Variants in CCDC7 observed in about 807,000 individuals in gnomAD.
CCDC7 encodes coiled-coil domain-containing protein 7.
CCDC7 carries 183 observed loss-of-function variants against 196.9 expected under a neutral mutation model. The observed-to-expected ratio is 0.93, with a 90% CI of 0.82 to 1.05. The LOEUF is 1.05. Among genes scored for constraint, CCDC7 ranks in the 50% least tolerant of loss-of-function variants. CCDC7 has a pLI of 0.00. For missense variants in CCDC7, 1,540 were observed against 1,482.2 expected, an observed-to-expected ratio of 1.04 and a Z score of -0.64; for synonymous variants, 525 against 484.6, an observed-to-expected ratio of 1.08 and a Z score of -1.10.
At chr10:32,702,277 A>G (rs992959138) in intron 24 of CCDC7, among the ~76,000 whole-genome samples, 2 of 151,890 alleles carry the variant, frequency 1.3e-5, no homozygotes, top group African/African-American at 4.8e-5. Flanking sequence ...TTCGTTGTGT[A>G]CCTAGTAGTC....
chr10:32,729,280 A>T (rs1010668412), intron 27 of CCDC7, 52 bp from the exon 29 acceptor site: 7 of 1,471,002 alleles, frequency 4.8e-6, no homozygotes, highest in Non-Finnish European at 5.5e-6. Context: ...AATTCTGATG[A>T]TTACTTGGCA....
chr10:32,709,711 G>T (rs540716578), intron 24 of CCDC7, among the ~76,000 whole-genome samples: 1 of 152,292 alleles, frequency 6.6e-6, no homozygotes, highest in African/African-American at 2.4e-5. Flanking sequence ...CCAGAGACCA[G>T]TACTGGTCAT....
chr10:32,568,557 C>T (rs2057176916), intron 15 of CCDC7, among the ~76,000 whole-genome samples: 1 of 152,022 alleles, frequency 6.6e-6, no homozygotes, highest in African/African-American at 2.4e-5. Context: ...GTTGTTAGAT[C>T]ATGTATATAA....
At chr10:32,777,196 G>A (rs999075127) in intron 28 of CCDC7, among the ~76,000 whole-genome samples, 4 of 152,164 alleles carry the variant, frequency 2.6e-5, no homozygotes, top group Admixed American at 1.3e-4. Flanking sequence ...CCATGTTGCT[G>A]CAAAAGACAT....
At chr10:32,480,905 T>C (rs1038883946) in intron 8 of CCDC7, among the ~76,000 whole-genome samples, 4 of 152,194 alleles carry the variant, frequency 2.6e-5, no homozygotes, top group African/African-American at 9.6e-5. Context: ...TCCTTATTTG[T>C]TTTCTGTCTG....
chr10:32,518,261 G>T (rs568691918), intron 10 of CCDC7, among the ~76,000 whole-genome samples, 155 bp from the exon 12 acceptor site: 3 of 116,008 alleles, frequency 2.6e-5, no homozygotes, highest in South Asian at 5.4e-4. Flanking sequence ...ATGCCTTTCA[G>T]CTCCAATTAT....
At position 32,541,896 on chromosome 10, in the gene CCDC7, C is replaced by G. The variant is rs143479533; in HGVS notation, c.994-1404C>G. On this transcript the variant is annotated intron_variant, in intron 11 of 41. Coordinates refer to ENST00000639629, the Ensembl canonical transcript of CCDC7. Reference sequence around the variant, plus strand: ...CATGTTGGAAAATGGTTCACTTACTCAGCCTTTCCCATATTGAAAGGTTCT... The same window carrying G: ...CATGTTGGAAAATGGTTCACTTACTGAGCCTTTCCCATATTGAAAGGTTCT... Among the ~76,000 whole-genome samples the G allele has an allele frequency of 1.1e-4, 16 of 152,330 alleles. No homozygotes were observed. In the East Asian group the frequency reaches 2.9e-3, roughly 28 times the overall value.
chr10:32,490,535 G>A (rs555505784), intron 8 of CCDC7, among the ~76,000 whole-genome samples: 3 of 152,240 alleles, frequency 2.0e-5, no homozygotes, highest in South Asian at 2.1e-4. Context: ...AGTGGCTCAC[G>A]CCTGTAATCC....
intron 31 of CCDC7, among the ~76,000 whole-genome samples, chr10:32,819,378 C>T (rs1001891207): frequency 1.3e-5 from 2 of 152,112 alleles, no homozygotes; most frequent in Non-Finnish European, 2.9e-5. Flanking sequence ...CTGAATTCTC[C>T]CAGAGGTAAA....
At chr10:32,552,722 T>C (rs939716686) in intron 13 of CCDC7, among the ~76,000 whole-genome samples, 2 of 152,202 alleles carry the variant, frequency 1.3e-5, no homozygotes, top group Non-Finnish European at 2.9e-5. Flanking sequence ...ATGATTGTTT[T>C]GTTTAAGGAG....
chr10:32,529,163 C>T (rs1029912473), intron 11 of CCDC7, among the ~76,000 whole-genome samples: 22 of 152,166 alleles, frequency 1.4e-4, no homozygotes, highest in Middle Eastern at 6.8e-3. Flanking sequence ...CTGGGGATTA[C>T]AGGAACTCAC....
intron 33 of CCDC7, among the ~76,000 whole-genome samples, chr10:32,844,426 A>T (rs1473269174): frequency 6.6e-6 from 1 of 151,968 alleles, no homozygotes; most frequent in Non-Finnish European, 1.5e-5. Context: ...ATAGTTACAA[A>T]TCTTAGAAAT....
intron 11 of CCDC7, among the ~76,000 whole-genome samples, chr10:32,538,989 C>A (rs1468811824): frequency 6.6e-6 from 1 of 152,126 alleles, no homozygotes; most frequent in South Asian, 2.1e-4. Context: ...CAGGATGATG[C>A]TGGCCTCATA....
chr10:32,866,556 T>C (rs2094204987), intron 41 of CCDC7, among the ~76,000 whole-genome samples: 1 of 151,216 alleles, frequency 6.6e-6, no homozygotes, highest in African/African-American at 2.4e-5. Flanking sequence ...CAATGGATTA[T>C]AAATAGTTGA....
At chr10:32,548,300 G>A (rs1368853534) in intron 13 of CCDC7, among the ~76,000 whole-genome samples, 1 of 152,104 alleles carries the variant, frequency 6.6e-6, no homozygotes, top group Non-Finnish European at 1.5e-5. Flanking sequence ...GTATGAACTG[G>A]AGGGGCAGAG....
At chr10:32,445,471 ATTCCT>A (rs1476432745), upstream of CCDC7, among the ~76,000 whole-genome samples, 1 of 152,218 alleles carries the variant, frequency 6.6e-6, no homozygotes, top group Non-Finnish European at 1.5e-5. Context: ...CATCTTTCCT[ATTCCT>A]TTCATTTACA....
intron 20 of CCDC7, among the ~76,000 whole-genome samples, chr10:32,651,760 G>T (rs1477669701): frequency 6.6e-6 from 1 of 152,126 alleles, no homozygotes; most frequent in African/African-American, 2.4e-5. Context: ...GGTTTTCTTG[G>T]GGCTGGCATG....
At chr10:32,517,657 T>C (rs552320946) in intron 9 of CCDC7, among the ~76,000 whole-genome samples, 3 of 146,390 alleles carry the variant, frequency 2.0e-5, no homozygotes, top group East Asian at 4.3e-4. Flanking sequence ...TTAGGAGATA[T>C]ACCTAATGCT....
At chr10:32,729,666 T>A (rs1279203800) in intron 28 of CCDC7, among the ~76,000 whole-genome samples, 2 of 152,146 alleles carry the variant, frequency 1.3e-5, no homozygotes, top group Non-Finnish European at 2.9e-5. Context: ...TATTTCTTCT[T>A]GTATTAGTGT....
Sources: allele counts gnomAD v4.1 joint callset (sites outside exome capture counted in the v4.1 genomes callset), GRCh38; gene constraint gnomAD v4.1.1; transcripts MANE v1.5; gene names NCBI Gene and HGNC (gene_info 2026-07-23, HGNC 2026-07-21).